Variants in ZFHX3 observed in about 807,000 individuals in gnomAD.
ZFHX3 encodes zinc finger homeobox protein 3.
In ZFHX3, 42 loss-of-function variants were observed where a neutral mutation model predicts 279.1. The ratio of observed to expected loss-of-function variants is 0.15; its 90% CI spans 0.12 to 0.19. ZFHX3 has a LOEUF of 0.19. Ranked by LOEUF, ZFHX3 falls within the 10% of genes least tolerant of loss-of-function variation. The pLI is 1.00. For missense variants in ZFHX3, 4,981 were observed against 4,754.0 expected, an observed-to-expected ratio of 1.05 and a Z score of -1.40; for synonymous variants, 2,293 against 1,957.8, an observed-to-expected ratio of 1.17 and a Z score of -4.52.
At chr16:73,868,474 A>G (rs1962085244) in intron 1 of ZFHX3, among the ~76,000 whole-genome samples, 1 of 152,244 alleles carries the variant, frequency 6.6e-6, no homozygotes, top group Non-Finnish European at 1.5e-5. Flanking sequence ...CAGTGAGCGG[A>G]GATCACGCCA....
At chr16:73,021,712 T>C (rs1167117230) in intron 1 of ZFHX3, among the ~76,000 whole-genome samples, 1 of 150,164 alleles carries the variant, frequency 6.7e-6, no homozygotes, top group Non-Finnish European at 1.5e-5. Flanking sequence ...GCACCTATAA[T>C]CCCGGCTACT....
intron 4 of ZFHX3, among the ~76,000 whole-genome samples, chr16:73,295,227 C>T (rs2014881204): frequency 6.6e-6 from 1 of 151,852 alleles, no homozygotes; most frequent in South Asian, 2.1e-4. Context: ...AAGAAACAAA[C>T]AAACAAACAT....
rs112016779 is a variant in ZFHX3 at position 73,471,788 on chromosome 16, T to C, written c.-1546-15530A>G. On this transcript the variant is annotated intron_variant, in intron 2 of 17. Transcript: ENST00000641206. ...ACATAAAGGAGACTCAAGTATCTCT[T>C]TTCCTCTTGCTGGAAAAGGAGAAAA... Among the ~76,000 whole-genome samples the C allele has an allele frequency of 4.9e-3, 742 of 152,338 alleles. 2 individuals carry two copies. The highest frequency in any genetic ancestry group is 0.017 in the African/African-American group (687 of 41,578).
chr16:73,292,735 T>C (rs2014805650), intron 4 of ZFHX3, among the ~76,000 whole-genome samples: 1 of 151,982 alleles, frequency 6.6e-6, no homozygotes, highest in Non-Finnish European at 1.5e-5. Flanking sequence ...ATGGGGTTCT[T>C]GATGGGTCAC....
chr16:73,268,126 T>C (rs78671546), intron 4 of ZFHX3, among the ~76,000 whole-genome samples: 9,245 of 152,308 alleles, frequency 0.061, 373 homozygotes, highest in Middle Eastern at 0.16. Context: ...TCCATTTTTT[T>C]CCACAATAAA....
At position 73,767,073 on chromosome 16, in the gene ZFHX3, T is replaced by C. The variant is rs183324909; in HGVS notation, c.-1607-86833A>G. Among the ~76,000 whole-genome samples, 171 of 151,992 alleles carry C rather than the reference T, an allele frequency of 1.1e-3. 3 individuals carry two copies. The East Asian group carries it at 0.023, about 20-fold the overall frequency. On this transcript the variant is annotated intron_variant, in intron 1 of 17. Transcript: ENST00000641206. ...GCCTCAGCCTCCTGAGTAGCTGGGA[T>C]TACAGGTGCCCATCACCACGCCTGG... is the stretch of plus-strand genomic sequence containing the variant.
At chr16:73,365,144 T>C (rs2016508697) in intron 3 of ZFHX3, among the ~76,000 whole-genome samples, 1 of 152,248 alleles carries the variant, frequency 6.6e-6, no homozygotes, top group Admixed American at 6.5e-5. Flanking sequence ...GGGATTGTGA[T>C]GATTACTGAG....
intron 1 of ZFHX3, among the ~76,000 whole-genome samples, chr16:73,689,759 A>G (rs991843760): frequency 1.3e-5 from 2 of 152,154 alleles, no homozygotes; most frequent in African/African-American, 4.8e-5. Context: ...AAACACGACT[A>G]TCAGGTTTCA....
In ZFHX3 at chr16:73,147,652, A is replaced by ACCGCACTC. The variant is rs1419987660; in HGVS notation, c.-1103-3829_-1103-3822dup. Among the ~76,000 whole-genome samples the ACCGCACTC allele has an allele frequency of 5.4e-5, 7 of 128,688 alleles. No individual in the cohort carries two copies. The South Asian group carries it at 1.9e-3, about 34-fold the overall frequency. 84.4% of individuals were successfully genotyped at this position (128,688 alleles called of 152,430 possible). A position where few individuals can be genotyped will look rare whatever the true frequency, so the allele number is the denominator to read the frequency against. On this transcript the variant is annotated intron_variant, in intron 5 of 17. Coordinates refer to the ZFHX3 transcript ENST00000641206. ...GCTTGCAGTGAGCCGAGATCGCGCC[A>ACCGCACTC]CCGCACTCCAGCCTGGGCGACAGAG...
At chr16:73,855,159 C>T (rs1406625528) in intron 1 of ZFHX3, among the ~76,000 whole-genome samples, 1 of 151,944 alleles carries the variant, frequency 6.6e-6, no homozygotes, top group African/African-American at 2.4e-5. Context: ...AAATAACAAC[C>T]CCTCCTTGCC....
intron 1 of ZFHX3, among the ~76,000 whole-genome samples, chr16:73,731,941 C>A (rs1007284831): frequency 1.3e-5 from 2 of 152,134 alleles, no homozygotes; most frequent in African/African-American, 2.4e-5. Context: ...AGAATAAAGT[C>A]ACTTTTTTGT....
chr16:73,859,394 C>T (rs1459319306), intron 1 of ZFHX3, among the ~76,000 whole-genome samples: 3 of 152,252 alleles, frequency 2.0e-5, no homozygotes, highest in East Asian at 1.9e-4. Flanking sequence ...AAGAAGTGGC[C>T]CTCCCTTGAC....
chr16:73,745,653 T>G (rs2142264295), intron 1 of ZFHX3, among the ~76,000 whole-genome samples: 1 of 152,342 alleles, frequency 6.6e-6, no homozygotes, highest in Non-Finnish European at 1.5e-5. Context: ...ATTAAGTGAC[T>G]TTTGAAAACC....
At chr16:73,411,302 G>C (rs2017461514) in intron 3 of ZFHX3, among the ~76,000 whole-genome samples, 1 of 152,152 alleles carries the variant, frequency 6.6e-6, no homozygotes, top group African/African-American at 2.4e-5. Flanking sequence ...TTTTATAGGA[G>C]ATTTGTGTAT....
At chr16:73,851,633 C>G (rs562835304) in intron 1 of ZFHX3, among the ~76,000 whole-genome samples, 10 of 152,266 alleles carry the variant, frequency 6.6e-5, no homozygotes, top group African/African-American at 2.2e-4. Context: ...ATTTTAAATT[C>G]CTTCAAAAAG....
chr16:73,593,685 A>T (rs965743049), intron 2 of ZFHX3, among the ~76,000 whole-genome samples: 1 of 152,040 alleles, frequency 6.6e-6, no homozygotes, highest in Admixed American at 6.6e-5. Context: ...AAAGACTGTG[A>T]GCATCTGCAG....
intron 1 of ZFHX3, among the ~76,000 whole-genome samples, chr16:73,768,218 G>A (rs775637410): frequency 2.6e-5 from 4 of 152,058 alleles, no homozygotes; most frequent in Non-Finnish European, 5.9e-5. Context: ...CCCTTGATGG[G>A]ACTTTTCTCC....
chr16:73,851,775 C>CT (rs1258086981), intron 1 of ZFHX3, among the ~76,000 whole-genome samples: 1 of 152,164 alleles, frequency 6.6e-6, no homozygotes, highest in African/African-American at 2.4e-5. Context: ...ATCGTAGGGC[C>CT]TTTTTTAAAA....
chr16:73,439,237 C>T (rs925704650), intron 3 of ZFHX3, among the ~76,000 whole-genome samples: 7 of 152,106 alleles, frequency 4.6e-5, no homozygotes, highest in African/African-American at 1.4e-4. Flanking sequence ...TGATGCTGAC[C>T]GGGCTTCTTA....
Sources: gnomAD v4.1 joint callset for allele counts (sites outside exome capture counted in the v4.1 genomes callset) on GRCh38, gnomAD v4.1.1 for gene constraint, MANE v1.5 for transcripts, NCBI Gene and HGNC (gene_info 2026-07-23, HGNC 2026-07-21) for gene names.